DOP1B: variants seen among roughly 807,000 people sequenced by gnomAD.
DOP1B encodes the protein DOP1 leucine zipper like protein B.
DOP1B carries 174 observed loss-of-function variants against 233.5 expected under a neutral mutation model. The ratio of observed to expected loss-of-function variants is 0.75; its 90% CI spans 0.66 to 0.85. DOP1B has a LOEUF of 0.85. Among genes scored for constraint, DOP1B ranks in the 40% least tolerant of loss-of-function variants. The pLI is 0.00. For missense variants in DOP1B, 2,652 were observed against 2,846.6 expected (o/e 0.93, Z 1.56); for synonymous variants, 1,190 against 1,185.6 (o/e 1.00, Z -0.08).
At chr21:36,271,961 G>A in intron 27 of DOP1B, among the ~76,000 whole-genome samples, 1 of 140,766 alleles carries the variant, frequency 7.1e-6, no homozygotes, top group East Asian at 2.2e-4. Context: ...TCAGGATTAA[G>A]CATATCTTGG....
intron 18 of DOP1B, among the ~76,000 whole-genome samples, chr21:36,243,827 C>T (rs1445027789): frequency 6.6e-6 from 1 of 151,870 alleles, no homozygotes; most frequent in Non-Finnish European, 1.5e-5. Flanking sequence ...TGTGTGTCAC[C>T]ATACCTAGAT....
At chr21:36,287,811 T>G (rs372140961) in intron 32 of DOP1B, among the ~76,000 whole-genome samples, 1 of 152,002 alleles carries the variant, frequency 6.6e-6, no homozygotes, top group Middle Eastern at 3.4e-3. Context: ...GGCCTCGAAC[T>G]CCTTATCTTG....
chr21:36,190,606 C>T (rs1286561366), intron 2 of DOP1B, among the ~76,000 whole-genome samples: 2 of 152,064 alleles, frequency 1.3e-5, no homozygotes, highest in African/African-American at 2.4e-5. Flanking sequence ...CCATGTTGCC[C>T]AGGCTGATAT....
At chr21:36,208,948 G>A (rs2066461680) in intron 5 of DOP1B, 44 bp downstream of exon 5, 4 of 1,462,678 alleles carry the variant, frequency 2.7e-6, no homozygotes, top group Non-Finnish European at 3.6e-6. Context: ...GAGGCGACAT[G>A]TGGGCACAGC....
chr21:36,257,833 GTAGA>G (rs2067122951), intron 23 of DOP1B, among the ~76,000 whole-genome samples: 1 of 139,940 alleles, frequency 7.1e-6, no homozygotes, highest in South Asian at 2.4e-4. Context: ...AGGTAGGTAG[GTAGA>G]TGTAGATAGG....
chr21:36,280,493 G>T (rs2067403209), intron 31 of DOP1B, 147 bp downstream of exon 31: 1 of 516,774 alleles, frequency 1.9e-6, no homozygotes, highest in Non-Finnish European at 3.4e-6. Flanking sequence ...TCATAATATG[G>T]CAGGACTAAA....
chr21:36,253,383 C>A (rs578141750), intron 22 of DOP1B, among the ~76,000 whole-genome samples: 100 of 152,286 alleles, frequency 6.6e-4, no homozygotes, highest in Non-Finnish European at 1.1e-3. Flanking sequence ...CTGGGTGGAG[C>A]CTTTACCTAG....
At chr21:36,197,045 G>GC (rs1199680767) in intron 2 of DOP1B, among the ~76,000 whole-genome samples, 1 of 151,206 alleles carries the variant, frequency 6.6e-6, no homozygotes, top group Non-Finnish European at 1.5e-5. Flanking sequence ...TGATTCTCCT[G>GC]CCTTAGCCTC....
rs1601452645 is a variant in DOP1B at position 36,253,766 on chromosome 21, TGGCA to T, written c.5122-4_5122-1del. 6 of 1,608,260 alleles carry T rather than the reference TGGCA, an allele frequency of 3.7e-6. No homozygotes were observed. In the African/African-American group the frequency reaches 4.0e-5, roughly 11 times the overall value. ...GCTTTCAAGGAACTTTTTTTTTTCTTGGCAGATTATCCCAACGGCAAGTGCATCC... is the reference window on the plus strand; with the variant it reads ...GCTTTCAAGGAACTTTTTTTTTTCTTGATTATCCCAACGGCAAGTGCATCC... On this transcript the variant is annotated splice_acceptor_variant and splice_polypyrimidine_tract_variant and intron_variant, in intron 22 of 36. Coordinates refer to ENST00000691173, the MANE Select transcript of DOP1B (RefSeq NM_001320714.2). LOFTEE classifies it high-confidence loss of function.
intron 18 of DOP1B, among the ~76,000 whole-genome samples, 169 bp downstream of exon 18, chr21:36,240,124 T>G (rs1050158465): frequency 9.2e-5 from 14 of 152,124 alleles, no homozygotes; most frequent in Non-Finnish European, 1.3e-4. Flanking sequence ...GATCTAGCAT[T>G]TAGAACTATT....
chr21:36,290,976 A>AG (rs1252991162), intron 35 of DOP1B, among the ~76,000 whole-genome samples: 1 of 151,610 alleles, frequency 6.6e-6, no homozygotes, highest in East Asian at 1.9e-4. Flanking sequence ...CCTCAAAAAA[A>AG]AAAGAGGCCG....
rs753456671 is a variant in DOP1B, at chr21:36,223,273, G to A, written c.1293G>A (p.Thr431=). 1.0e-5 allele frequency: 16 copies of A among 1,607,916 alleles called. No individual in the cohort carries two copies. The highest frequency in any genetic ancestry group is 1.2e-5 in the Non-Finnish European group (14 of 1,178,474). Residue 431 remains threonine, a synonymous_variant, in exon 11 of 37, where the codon ACG becomes ACA. Transcript: ENST00000691173. The part of the protein sequence containing the change: ...ENRNASEIVK[T]VNLLITSLST... ...GAAATGCCTCTGAGATTGTCAAAAC[G>A]GTAAATTTGCTGATAACTTCTCTAA...
chr21:36,222,857 T>C (rs1313357742), intron 10 of DOP1B, among the ~76,000 whole-genome samples: 5 of 152,070 alleles, frequency 3.3e-5, no homozygotes, highest in Non-Finnish European at 7.4e-5. Context: ...CACTTCAGCC[T>C]CCTGAGTACC....
chr21:36,191,962 G>A (rs1300895499), intron 2 of DOP1B, among the ~76,000 whole-genome samples: 1 of 152,074 alleles, frequency 6.6e-6, no homozygotes, highest in Non-Finnish European at 1.5e-5. Context: ...TTCATATTGT[G>A]TATCCTGCCA....
At chr21:36,225,323 G>A (rs1020530210) in intron 11 of DOP1B, among the ~76,000 whole-genome samples, 4 of 151,474 alleles carry the variant, frequency 2.6e-5, no homozygotes, top group African/African-American at 9.7e-5. Flanking sequence ...TCTGCCTCCC[G>A]GGTTCAAGTA....
intron 13 of DOP1B, among the ~76,000 whole-genome samples, chr21:36,230,128 G>T (rs750934613): frequency 6.6e-6 from 1 of 152,076 alleles, no homozygotes; most frequent in Admixed American, 6.6e-5. Context: ...GAGCCACCAC[G>T]CCTGGCAGAA....
At chr21:36,211,491 C>G in intron 5 of DOP1B, 62 bp from the exon 6 acceptor site, 1 of 1,481,640 alleles carries the variant, frequency 6.7e-7, no homozygotes, top group Non-Finnish European at 9.4e-7. Context: ...GGAAAGGTTA[C>G]TTTCGTTTTT....
intron 3 of DOP1B, 135 bp downstream of exon 3, chr21:36,199,386 C>T: frequency 1.8e-6 from 2 of 1,125,748 alleles, no homozygotes; most frequent in East Asian, 2.6e-5. Context: ...AAGCCATCAC[C>T]AGGAGACGTC....
At chr21:36,287,264 C>G (rs1251817026) in intron 32 of DOP1B, among the ~76,000 whole-genome samples, 1 of 152,164 alleles carries the variant, frequency 6.6e-6, no homozygotes, top group Non-Finnish European at 1.5e-5. Context: ...TATTTACTTG[C>G]TCCGCTTCCC....
Sources: allele counts gnomAD v4.1 joint callset (sites outside exome capture counted in the v4.1 genomes callset), GRCh38; gene constraint gnomAD v4.1.1; transcripts MANE v1.5; gene names NCBI Gene and HGNC (gene_info 2026-07-23, HGNC 2026-07-21).